Variants in NDUFS1 observed in about 807,000 individuals in gnomAD.
NDUFS1 encodes NADH:ubiquinone oxidoreductase core subunit S1, also known as NADH-ubiquinone oxidoreductase 75 kDa subunit, mitochondrial.
Under a neutral mutation model 84.4 loss-of-function variants are expected in NDUFS1, and 61 were observed. The ratio of observed to expected loss-of-function variants is 0.72; its 90% CI spans 0.59 to 0.89. The LOEUF (loss-of-function observed/expected upper bound fraction) is 0.89, where lower values mean the gene tolerates loss of function less well. NDUFS1 is among the 40% of genes least tolerant of loss of function. The pLI is 0.00. For synonymous variants in NDUFS1, 275 were observed against 290.0 expected (o/e 0.95, Z 0.53); for missense variants, 891 against 890.0 (o/e 1.00, Z -0.01).
rs1467929733 is a variant in NDUFS1, at chr2:206,115,291, T to C, written c.*8894A>G. ...TGTGGAATGCTATGTTTTGAATGTGTTGTCTCCACAATTCATGTGTTGGAA... is the reference window on the plus strand; with the variant it reads ...TGTGGAATGCTATGTTTTGAATGTGCTGTCTCCACAATTCATGTGTTGGAA... On this transcript the variant is annotated 3_prime_UTR_variant, in exon 19 of 19. Coordinates refer to ENST00000233190, the MANE Select transcript of NDUFS1 (RefSeq NM_005006.7). 2 of 152,746 alleles carry C rather than the reference T, an allele frequency of 1.3e-5. No homozygotes were observed. Among genetic ancestry groups the C allele is most frequent in the Non-Finnish European group, 2.9e-5 (2 of 68,444 alleles). The allele number at this position is 152,746 out of a possible 1,614,324, so 9.5% of individuals were successfully genotyped here. A position where few individuals can be genotyped will look rare whatever the true frequency, so the allele number is the denominator to read the frequency against.
rs1299999957 is a variant in NDUFS1, at chr2:206,138,544, G to C, written c.1333C>G (p.Leu445Val). The change falls in exon 13 of 19, where the codon CTG (leucine) becomes GTG (valine). Residue 445 changes from leucine (L) to valine (V), a missense_variant. Physicochemically the swap from Leu to Val is conservative, Grantham distance 32. Transcript: ENST00000233190. ...TGAAGAATTTTGGGGGAGTCTCCCA[G>C]GTGGTCATATGTGTAAGTGAGGTCC... Reference protein sequence around the residue: ...PVDLTYTYDHLGDSPKILQDI... With the variant: ...PVDLTYTYDHVGDSPKILQDI... 6.2e-7 allele frequency: 1 copy of C among 1,614,010 alleles called. No individual in the cohort carries two copies. Among genetic ancestry groups the C allele is most frequent in the South Asian group, 1.1e-5 (1 of 91,086 alleles).
chr2:206,158,238 A>G (rs1465485982), intron 1 of NDUFS1, among the ~76,000 whole-genome samples: 1 of 152,170 alleles, frequency 6.6e-6, no homozygotes, highest in Non-Finnish European at 1.5e-5. Context: ...GTGGGATTAC[A>G]GGAGTGAGCC....
At chr2:206,127,575 A>G in intron 16 of NDUFS1, 1 of 481,188 alleles carries the variant, frequency 2.1e-6, no homozygotes, top group Non-Finnish European at 3.7e-6. Flanking sequence ...TTTTTAAGAG[A>G]CAGGGTCTTG....
rs1274097939 is a variant in NDUFS1, at chr2:206,117,485, A to T, written c.*6700T>A. On this transcript the variant is annotated 3_prime_UTR_variant, in exon 19 of 19. Coordinates refer to ENST00000233190, the MANE Select transcript of NDUFS1 (RefSeq NM_005006.7). Reference sequence around the variant, plus strand: ...GGTCTCGCTTTGTCGCCCATGCTAGAGCGCAGTGGCGCGATCTGGGATCAC... The same window carrying T: ...GGTCTCGCTTTGTCGCCCATGCTAGTGCGCAGTGGCGCGATCTGGGATCAC... 1.3e-5 allele frequency: 2 copies of T among 152,220 alleles called. No individual in the cohort carries two copies. The highest frequency in any genetic ancestry group is 3.8e-4 in the East Asian group (2 of 5,200). 9.4% of individuals were successfully genotyped at this position (152,220 alleles called of 1,614,324 possible).
chr2:206,147,516 A>C lies in NDUFS1; in HGVS notation c.551+15T>G. The C allele has an allele frequency of 6.2e-7, 1 of 1,609,850 alleles. No homozygotes were observed. The highest frequency in any genetic ancestry group is 8.5e-7 in the Non-Finnish European group (1 of 1,177,924). On this transcript the variant is annotated intron_variant, in intron 7 of 18. Transcript: ENST00000233190. ...AATTATATTCTATAATAGAAAAAAA[A>C]GGAAAAAAAGTTACCTGATGCAGCG...
intron 18 of NDUFS1, 130 bp from the exon 19 acceptor site, chr2:206,124,406 T>G (rs1054222808): frequency 8.4e-6 from 6 of 714,000 alleles, no homozygotes; most frequent in Non-Finnish European, 1.5e-5. Context: ...TATAATTATA[T>G]GTAACCAACA....
Position 206,124,055 on chromosome 2 carries a change from T to C in NDUFS1, c.*130A>G. On this transcript the variant is annotated 3_prime_UTR_variant, in exon 19 of 19. Coordinates refer to ENST00000233190, the MANE Select transcript of NDUFS1 (RefSeq NM_005006.7). ...TAATATCATTTTCAAATAGGCATAG[T>C]ATAACCTTAAATATTACATGATTCA... The C allele has an allele frequency of 1.4e-6, 1 of 697,308 alleles. No individual in the cohort carries two copies. The highest frequency in any genetic ancestry group is 2.5e-6 in the Non-Finnish European group (1 of 400,416). The allele number at this position is 697,308 out of a possible 1,614,324, so 43.2% of individuals were successfully genotyped here.
At position 206,126,662 on chromosome 2, in the gene NDUFS1, C is replaced by T. The variant is rs372283660; in HGVS notation, c.2019+48G>A. The T allele has an allele frequency of 5.6e-6, 9 of 1,613,824 alleles. No homozygotes were observed. In the African/African-American group the frequency reaches 8.0e-5, roughly 14 times the overall value. On this transcript the variant is annotated intron_variant, in intron 17 of 18. Transcript: ENST00000233190. ...ATAATATGGAAAACTAGTACTGTTACACCAGTAGATACAACATTATGAAAA... is the reference window on the plus strand; with the variant it reads ...ATAATATGGAAAACTAGTACTGTTATACCAGTAGATACAACATTATGAAAA...
intron 16 of NDUFS1, 71 bp from the exon 17 acceptor site, chr2:206,126,915 G>C: frequency 6.4e-7 from 1 of 1,565,948 alleles, no homozygotes. Context: ...ATAGATAATT[G>C]TAACTATGGT....
At chr2:206,140,943 T>TATATATACACAC (rs367723817) in intron 12 of NDUFS1, among the ~76,000 whole-genome samples, 1 of 136,138 alleles carries the variant, frequency 7.3e-6, no homozygotes, top group African/African-American at 2.8e-5. Flanking sequence ...TATATATATA[T>TATATATACACAC]ACACACACAC....
chr2:206,143,431 C>T (rs576640585), intron 10 of NDUFS1, among the ~76,000 whole-genome samples: 56 of 152,242 alleles, frequency 3.7e-4, no homozygotes, highest in African/African-American at 1.3e-3. Context: ...ACTATAGTTA[C>T]CTTAAATGCG....
In NDUFS1 at chr2:206,116,438, T is replaced by G. The variant is rs548901818; in HGVS notation, c.*7747A>C. On this transcript the variant is annotated 3_prime_UTR_variant, in exon 19 of 19. Coordinates refer to ENST00000233190, the MANE Select transcript of NDUFS1 (RefSeq NM_005006.7). ...GCCTCGATAGGCAGGGCGCGGCAGG[T>G]GCCAGGACCACGTGCAGGCTGCAGA... 5.8e-4 allele frequency: 515 copies of G among 889,878 alleles called. 5 individuals carry two copies. In the East Asian group the frequency reaches 0.013, roughly 23 times the overall value. The allele number at this position is 889,878 out of a possible 1,614,324, so 55.1% of individuals were successfully genotyped here.
chr2:206,128,486 A>G (rs573913210), intron 15 of NDUFS1, among the ~76,000 whole-genome samples: 18 of 150,866 alleles, frequency 1.2e-4, no homozygotes, highest in African/African-American at 4.4e-4. Flanking sequence ...TTATTGTTAA[A>G]GCATTTGGGG....
chr2:206,120,173 C>A lies in NDUFS1; in HGVS notation c.*4012G>T, dbSNP rs953947491. 1.3e-5 allele frequency: 2 copies of A among 152,324 alleles called. No individual in the cohort carries two copies. The highest frequency in any genetic ancestry group is 2.9e-5 in the Non-Finnish European group (2 of 68,090). The allele number at this position is 152,324 out of a possible 1,614,324, so 9.4% of individuals were successfully genotyped here. On this transcript the variant is annotated 3_prime_UTR_variant, in exon 19 of 19. Transcript: ENST00000233190. ...GGTGCCATGCTTTGTGTACAGCCTG[C>A]AGAAACTGTAAGCCAATTAAATCTC...
In NDUFS1 at chr2:206,141,965, A is replaced by G. The variant is rs2105966898; in HGVS notation, c.1238T>C (p.Leu413Pro). The change falls in exon 12 of 19, where the codon CTG becomes CCG. Residue 413 changes from leucine (L) to proline (P), a missense_variant. Coordinates refer to ENST00000233190, the MANE Select transcript of NDUFS1 (RefSeq NM_005006.7). ...VGTNPRFEAP[L>P]FNARIRKSWL... ...CCTCTTTCGAATTCTAGCATTAAACAGTGGTGCCTCAAAACGTGGGTTTGT... is the reference window on the plus strand; with the variant it reads ...CCTCTTTCGAATTCTAGCATTAAACGGTGGTGCCTCAAAACGTGGGTTTGT... The G allele has an allele frequency of 1.2e-6, 2 of 1,610,950 alleles. No individual in the cohort carries two copies. Among genetic ancestry groups the G allele is most frequent in the East Asian group, 2.2e-5 (1 of 44,856 alleles).
In NDUFS1 at chr2:206,142,692, C is replaced by T. The variant is rs759780584; in HGVS notation, c.1127G>A (p.Gly376Glu). 6.2e-7 allele frequency: 1 copy of T among 1,614,154 alleles called. No individual in the cohort carries two copies. Among genetic ancestry groups the T allele is most frequent in the Admixed American group, 1.7e-5 (1 of 60,010 alleles). ...CTAGCTTCATATTTCTCACCCAGCT[C>T]CTGCAGTGGGGAAGACCTCTTCAGT... ...LCTEEVFPTA[G>E]AGTDLRSNYL... Residue 376 changes from glycine to glutamate, a missense_variant, in exon 11 of 19, where the codon GGA (glycine) becomes GAA (glutamate). By Grantham distance (98) the Gly-to-Glu change is moderately conservative. Transcript: ENST00000233190.
At chr2:206,136,548 C>T (rs1691724522) in intron 13 of NDUFS1, among the ~76,000 whole-genome samples, 1 of 151,634 alleles carries the variant, frequency 6.6e-6, no homozygotes, top group Non-Finnish European at 1.5e-5. Context: ...ATTCTCCACC[C>T]TCAGGCTCCC....
At chr2:206,155,083 C>A (rs1687595111) in intron 1 of NDUFS1, among the ~76,000 whole-genome samples, 1 of 151,796 alleles carries the variant, frequency 6.6e-6, no homozygotes, top group Admixed American at 6.6e-5. Context: ...GCATGCACAA[C>A]CATGCCAGGC....
Position 206,138,363 on chromosome 2 carries a change from G to A in NDUFS1, c.1392+122C>T, listed in dbSNP as rs1691803058. 3 of 1,132,542 alleles carry A rather than the reference G, an allele frequency of 2.6e-6. No homozygotes were observed. In the African/African-American group the frequency reaches 4.7e-5, roughly 18 times the overall value. 70.2% of individuals were successfully genotyped at this position (1,132,542 alleles called of 1,614,324 possible). A position where few individuals can be genotyped will look rare whatever the true frequency, so the allele number is the denominator to read the frequency against. ...CCCAAAGTGCTGGGATTACAGGCGT[G>A]AGCCACCGCGCCCAACCTGGTGTAA... On this transcript the variant is annotated intron_variant, in intron 13 of 18. Transcript: ENST00000233190.
Sources: gnomAD v4.1 joint callset for allele counts (sites outside exome capture counted in the v4.1 genomes callset) on GRCh38, gnomAD v4.1.1 for gene constraint, MANE v1.5 for transcripts, NCBI Gene and HGNC (gene_info 2026-07-23, HGNC 2026-07-21) for gene names.